TCF7L2: variants seen among roughly 807,000 people sequenced by gnomAD.
TCF7L2 encodes the protein transcription factor 7-like 2.
In TCF7L2, 23 loss-of-function variants were observed where a neutral mutation model predicts 77.9. The observed-to-expected ratio is 0.30, with a 90% CI of 0.21 to 0.42. The LOEUF is 0.42. Ranked by LOEUF, TCF7L2 falls within the 10% of genes least tolerant of loss-of-function variation. TCF7L2 has a pLI of 1.00. For synonymous variants in TCF7L2, 413 were observed against 340.2 expected, an observed-to-expected ratio of 1.21 and a Z score of -2.36; for missense variants, 654 against 793.1, an observed-to-expected ratio of 0.82 and a Z score of 2.11.
intron 3 of TCF7L2, 134 bp downstream of exon 3, chr10:112,951,741 C>G (rs1213399475): frequency 3.0e-6 from 1 of 336,036 alleles, no homozygotes; most frequent in African/African-American, 2.3e-5. Flanking sequence ...CCTCCCCTCC[C>G]CCGCTCGTGG....
At chr10:113,127,456 T>C (rs1167129500) in intron 5 of TCF7L2, among the ~76,000 whole-genome samples, 2 of 152,160 alleles carry the variant, frequency 1.3e-5, no homozygotes, top group Non-Finnish European at 2.9e-5. Flanking sequence ...ATGCGGACCG[T>C]GGAATGTAAA....
At chr10:113,089,025 A>G (rs928631506) in intron 5 of TCF7L2, among the ~76,000 whole-genome samples, 1 of 152,202 alleles carries the variant, frequency 6.6e-6, no homozygotes, top group African/African-American at 2.4e-5. Flanking sequence ...GGACAGAAAT[A>G]TCAGCAATTT....
Position 112,950,524 on chromosome 10 carries a change from A to G in TCF7L2, c.-233A>G. ...GATCGGATCCTTGGGAACGAGAGAA[A>G]AAAGAAACCCAAACTCACGCGTGCA... On this transcript the variant is annotated 5_prime_UTR_variant, in exon 1 of 14. Coordinates refer to ENST00000627217, the MANE Select transcript of TCF7L2 (RefSeq NM_001146274.2). The G allele has an allele frequency of 2.2e-6, 1 of 457,362 alleles. No individual in the cohort carries two copies. Among genetic ancestry groups the G allele is most frequent in the East Asian group, 3.8e-5 (1 of 26,446 alleles). 28.3% of individuals were successfully genotyped at this position (457,362 alleles called of 1,614,324 possible). A position where few individuals can be genotyped will look rare whatever the true frequency, so the allele number is the denominator to read the frequency against.
intron 4 of TCF7L2, among the ~76,000 whole-genome samples, chr10:113,025,638 C>T (rs2049017513): frequency 6.6e-6 from 1 of 152,130 alleles, no homozygotes; most frequent in East Asian, 1.9e-4. Context: ...ACCTTGGCCT[C>T]GCAAAGTGCT....
intron 5 of TCF7L2, among the ~76,000 whole-genome samples, chr10:113,075,892 C>A (rs1299026487): frequency 1.3e-5 from 2 of 152,014 alleles, no homozygotes; most frequent in African/African-American, 4.8e-5. Context: ...TCCTAGCACT[C>A]TGGGAGGCTG....
chr10:113,038,347 A>G (rs2051741556), intron 4 of TCF7L2, among the ~76,000 whole-genome samples: 1 of 152,182 alleles, frequency 6.6e-6, no homozygotes, highest in Non-Finnish European at 1.5e-5. Flanking sequence ...GTTGCTCACC[A>G]CGGGAGGCCT....
chr10:112,962,082 A>G (rs1221458513), intron 3 of TCF7L2, among the ~76,000 whole-genome samples: 1 of 152,200 alleles, frequency 6.6e-6, no homozygotes, highest in Non-Finnish European at 1.5e-5. Context: ...AGAACTGGAC[A>G]AGTGAAAATT....
At chr10:113,098,695 G>A (rs889624666) in intron 5 of TCF7L2, among the ~76,000 whole-genome samples, 13 of 152,104 alleles carry the variant, frequency 8.5e-5, no homozygotes, top group Non-Finnish European at 1.3e-4. Flanking sequence ...AACAAAGTGA[G>A]ACTCTGTCTC....
intron 3 of TCF7L2, among the ~76,000 whole-genome samples, chr10:112,962,411 T>C (rs2035497391): frequency 6.6e-6 from 1 of 152,112 alleles, no homozygotes; most frequent in Non-Finnish European, 1.5e-5. Context: ...AGAGCTACTT[T>C]CTGGCCAAGA....
At position 113,011,355 on chromosome 10, in the gene TCF7L2, A is replaced by G. The variant is rs539539988; in HGVS notation, c.451-28670A>G. 2.0e-4 allele frequency among the ~76,000 whole-genome samples: 31 copies of G among 152,304 alleles called. No homozygotes were observed. In the South Asian group the frequency reaches 6.2e-3, roughly 31 times the overall value. ...GATCTGGTGGTAGTGGGGGGTTTCC[A>G]AGCTAGAATGGTTGTGTGGTATTCT... On this transcript the variant is annotated intron_variant, in intron 4 of 13. Transcript: ENST00000627217.
chr10:112,978,470 T>A (rs1427659271), intron 4 of TCF7L2, among the ~76,000 whole-genome samples: 3 of 128,424 alleles, frequency 2.3e-5, no homozygotes, highest in African/African-American at 1.1e-4. Context: ...AATTTTGTGA[T>A]TTTTTTTTTT....
chr10:113,125,386 T>C (rs2065426136), intron 5 of TCF7L2: 4 of 152,146 alleles, frequency 2.6e-5, no homozygotes, highest in Admixed American at 2.6e-4. Context: ...CTTTTCTTTT[T>C]TTTCCCCTTC....
chr10:113,149,811 T>C (rs1206518752), intron 8 of TCF7L2, among the ~76,000 whole-genome samples: 1 of 152,216 alleles, frequency 6.6e-6, no homozygotes, highest in African/African-American at 2.4e-5. Context: ...CAGCTTCCCA[T>C]CTGCTCACTT....
At position 113,165,621 on chromosome 10, in the gene TCF7L2, T is replaced by C. The variant is rs1456936048; in HGVS notation, c.1458T>C (p.Asp486=). ...GCTGCCTCAGCCCACCCTCTTCAGA[T>C]GGAAGCTTACTAGATTCGCCTCCCC... Residue 486 remains aspartate, a synonymous_variant, in exon 14 of 14, where the codon GAT becomes GAC. Coordinates refer to ENST00000627217, the MANE Select transcript of TCF7L2 (RefSeq NM_001146274.2). 5 of 1,613,898 alleles carry C rather than the reference T, an allele frequency of 3.1e-6. No homozygotes were observed. The highest frequency in any genetic ancestry group is 4.2e-6 in the Non-Finnish European group (5 of 1,179,942).
intron 5 of TCF7L2, among the ~76,000 whole-genome samples, chr10:113,125,220 T>G (rs2136360404): frequency 6.8e-6 from 1 of 146,798 alleles, no homozygotes; most frequent in Admixed American, 6.9e-5. Context: ...TCTCTGTTCT[T>G]TTTTTAAAAA....
At chr10:113,134,609 C>T (rs2067128604) in intron 5 of TCF7L2, among the ~76,000 whole-genome samples, 1 of 152,222 alleles carries the variant, frequency 6.6e-6, no homozygotes, top group Non-Finnish European at 1.5e-5. Context: ...TCCTCTTCCC[C>T]AACTTACCAC....
At chr10:113,161,004 A>G (rs1456422900) in intron 13 of TCF7L2, among the ~76,000 whole-genome samples, 2 of 152,160 alleles carry the variant, frequency 1.3e-5, no homozygotes, top group African/African-American at 2.4e-5. Context: ...GTCCGGCCCT[A>G]TGAATGCCTT....
At chr10:113,075,440 CAA>C (rs1463554537) in intron 5 of TCF7L2, among the ~76,000 whole-genome samples, 2 of 145,536 alleles carry the variant, frequency 1.4e-5, no homozygotes, top group Non-Finnish European at 3.0e-5. Flanking sequence ...GCCTGGGCGA[CAA>C]GAGCGAAACT....
intron 12 of TCF7L2, among the ~76,000 whole-genome samples, chr10:113,159,421 CTGTTTT>C (rs2072662393): frequency 6.6e-6 from 1 of 151,800 alleles, no homozygotes; most frequent in Non-Finnish European, 1.5e-5. Context: ...TCGTTTTGTT[CTGTTTT>C]TATTTGTAAT....
Sources: allele counts gnomAD v4.1 joint callset (sites outside exome capture counted in the v4.1 genomes callset), GRCh38; gene constraint gnomAD v4.1.1; transcripts MANE v1.5; gene names NCBI Gene and HGNC (gene_info 2026-07-23, HGNC 2026-07-21).